MYH10: variants seen among roughly 807,000 people sequenced by gnomAD.
MYH10 encodes the protein myosin heavy chain 10, also known as myosin-10.
In MYH10, 55 loss-of-function variants were observed where a neutral mutation model predicts 257.8. That is an observed-to-expected ratio of 0.21 (90% CI 0.17 to 0.27). The LOEUF is 0.27. Among genes scored for constraint, MYH10 ranks in the 10% least tolerant of loss-of-function variants. The probability of loss-of-function intolerance (pLI) is 1.00; values close to 1 mark genes in which losing one functional copy is unlikely to be tolerated. For synonymous variants in MYH10, 854 were observed against 921.7 expected, an observed-to-expected ratio of 0.93 and a Z score of 1.33; for missense variants, 1,631 against 2,500.6, an observed-to-expected ratio of 0.65 and a Z score of 7.42.
chr17:8,527,982 G>A (rs1323323407), intron 17 of MYH10, among the ~76,000 whole-genome samples: 1 of 152,186 alleles, frequency 6.6e-6, no homozygotes, highest in Admixed American at 6.5e-5. Context: ...TTGAGATGGA[G>A]GTTATGATCA....
chr17:8,603,627 C>T (rs964854977), intron 3 of MYH10, among the ~76,000 whole-genome samples: 2 of 152,132 alleles, frequency 1.3e-5, no homozygotes, highest in Non-Finnish European at 2.9e-5. Context: ...CTAATACAAA[C>T]ACTCTTCTGC....
At position 8,485,457 on chromosome 17, in the gene MYH10, C is replaced by CTTTTT. The variant is rs138894418; in HGVS notation, c.5047-1196_5047-1192dup. On this transcript the variant is annotated intron_variant, in intron 36 of 42. Transcript: ENST00000360416. Reference sequence around the variant, plus strand: ...AATAAACTATCAAAACCCAAGCTGGCTTTTTTTTTTTTTTTTTTTGGTGGC... The same window carrying CTTTTT: ...AATAAACTATCAAAACCCAAGCTGGCTTTTTTTTTTTTTTTTTTTTTTTTGGTGGC... Among the ~76,000 whole-genome samples, 12 of 121,174 alleles carry CTTTTT rather than the reference C, an allele frequency of 9.9e-5. 4 individuals carry two copies. The highest frequency in any genetic ancestry group is 1.5e-4 in the African/African-American group (5 of 32,332). 79.5% of individuals were successfully genotyped at this position (121,174 alleles called of 152,430 possible).
chr17:8,595,425 C>CTTTTTTTTTT lies in MYH10; in HGVS notation c.503-6327_503-6318dup, dbSNP rs10664342. Among the ~76,000 whole-genome samples the CTTTTTTTTTT allele has an allele frequency of 2.0e-4, 17 of 84,180 alleles. 2 individuals carry two copies. Among genetic ancestry groups the CTTTTTTTTTT allele is most frequent in the African/African-American group, 4.7e-4 (8 of 17,132 alleles). The allele number at this position is 84,180 out of a possible 152,430, so 55.2% of individuals were successfully genotyped here. A position where few individuals can be genotyped will look rare whatever the true frequency, so the allele number is the denominator to read the frequency against. The stretch of plus-strand genomic sequence containing the variant: ...TGCTGTCTCCCCAGTAAGAACAGTT[C>CTTTTTTTTTT]TTTTTTTTTTTTTTTTTTTTTTTTG... On this transcript the variant is annotated intron_variant, in intron 3 of 42. Coordinates refer to ENST00000360416, the MANE Select transcript of MYH10 (RefSeq NM_001256012.3).
At chr17:8,616,133 A>C (rs148172293) in intron 2 of MYH10, among the ~76,000 whole-genome samples, 1 of 152,194 alleles carries the variant, frequency 6.6e-6, no homozygotes, top group Non-Finnish European at 1.5e-5. Context: ...AAATACAAAA[A>C]TCAGCCAGGC....
intron 21 of MYH10, among the ~76,000 whole-genome samples, chr17:8,517,638 C>A (rs1021984271): frequency 6.6e-6 from 1 of 152,250 alleles, no homozygotes; most frequent in Admixed American, 6.5e-5. Flanking sequence ...GCACCATCAT[C>A]TTCTACCCAA....
chr17:8,582,103 T>C (rs2152031135), intron 4 of MYH10, among the ~76,000 whole-genome samples: 1 of 152,254 alleles, frequency 6.6e-6, no homozygotes, highest in South Asian at 2.1e-4. Flanking sequence ...AAGATGGTAA[T>C]GGAAATTTTT....
At chr17:8,620,119 C>G (rs997359419) in intron 2 of MYH10, among the ~76,000 whole-genome samples, 1 of 152,060 alleles carries the variant, frequency 6.6e-6, no homozygotes. Context: ...TATATTGAAC[C>G]CTATATCCAA....
intron 12 of MYH10, among the ~76,000 whole-genome samples, 163 bp downstream of exon 12, chr17:8,546,381 G>A (rs561680964): frequency 2.9e-5 from 4 of 139,666 alleles, no homozygotes; most frequent in Admixed American, 2.3e-4. Flanking sequence ...TTTCGAAAAC[G>A]AAAAAGTAAA....
intron 3 of MYH10, among the ~76,000 whole-genome samples, chr17:8,596,717 TCACTC>T (rs2084386128): frequency 6.6e-6 from 1 of 150,684 alleles, no homozygotes. Context: ...CCTCACAAGA[TCACTC>T]AGTAGTCCTA....
chr17:8,596,619 C>T (rs1012753109), intron 3 of MYH10, among the ~76,000 whole-genome samples: 41 of 125,616 alleles, frequency 3.3e-4, no homozygotes, highest in African/African-American at 1.2e-3. Flanking sequence ...TCTTAAAATG[C>T]TTATTCTTAA....
At chr17:8,536,933 C>T (rs1410667573) in intron 14 of MYH10, among the ~76,000 whole-genome samples, 1 of 152,048 alleles carries the variant, frequency 6.6e-6, no homozygotes, top group East Asian at 1.9e-4. Flanking sequence ...GAAAACGTGG[C>T]AGGATTTGGT....
chr17:8,501,294 A>C (rs1043644680), intron 28 of MYH10, among the ~76,000 whole-genome samples: 1 of 152,178 alleles, frequency 6.6e-6, no homozygotes, highest in Non-Finnish European at 1.5e-5. Flanking sequence ...ATCTTTAAAA[A>C]AAAACCAAAA....
At chr17:8,489,301 ATGT>A (rs1459652287) in intron 35 of MYH10, among the ~76,000 whole-genome samples, 1 of 152,182 alleles carries the variant, frequency 6.6e-6, no homozygotes, top group African/African-American at 2.4e-5. Context: ...TGTGACAAAA[ATGT>A]TGTCACAGTT....
At chr17:8,578,738 G>A (rs558226541) in intron 4 of MYH10, among the ~76,000 whole-genome samples, 27 of 152,064 alleles carry the variant, frequency 1.8e-4, no homozygotes, top group African/African-American at 5.1e-4. Context: ...CCTGAATTAC[G>A]GCCTCTGCTC....
intron 37 of MYH10, among the ~76,000 whole-genome samples, chr17:8,483,147 T>C (rs1387161500): frequency 1.3e-5 from 2 of 152,016 alleles, no homozygotes. Flanking sequence ...TAATAGAAAT[T>C]AGAAAAATTT....
In MYH10 at chr17:8,585,288, G is replaced by GTA. The variant is rs71159599; in HGVS notation, c.530+3791_530+3792dup. Among the ~76,000 whole-genome samples, 249 of 99,332 alleles carry GTA rather than the reference G, an allele frequency of 2.5e-3. 9 individuals are homozygous for GTA. Among genetic ancestry groups the GTA allele is most frequent in the African/African-American group, 7.5e-3 (199 of 26,548 alleles). 65.2% of individuals were successfully genotyped at this position (99,332 alleles called of 152,430 possible). A position where few individuals can be genotyped will look rare whatever the true frequency, so the allele number is the denominator to read the frequency against. On this transcript the variant is annotated intron_variant, in intron 4 of 42. Transcript: ENST00000360416. ...TATATATATGTGCATGTGTGTGTGT[G>GTA]TATATATATATATATATAGCTACAT... is the stretch of plus-strand genomic sequence containing the variant.
chr17:8,550,256 C>T (rs1396867773), intron 9 of MYH10, among the ~76,000 whole-genome samples: 2 of 151,428 alleles, frequency 1.3e-5, no homozygotes, highest in Admixed American at 6.6e-5. Context: ...CACCTCTTCC[C>T]GGCCGCCATC....
intron 2 of MYH10, among the ~76,000 whole-genome samples, chr17:8,614,307 C>CTTTTTTTTTTTTTTTTTT: frequency 1.3e-5 from 1 of 77,128 alleles, no homozygotes; most frequent in South Asian, 4.6e-4. Context: ...CAATTCACTT[C>CTTTTTTTTTTTTTTTTTT]TTTTTTTTTT....
chr17:8,538,021 C>A (rs2082191573), intron 14 of MYH10, among the ~76,000 whole-genome samples: 1 of 152,174 alleles, frequency 6.6e-6, no homozygotes, highest in African/African-American at 2.4e-5. Context: ...CTGGCACGGG[C>A]CTGTCAGGTG....
Sources: allele counts gnomAD v4.1 joint callset (sites outside exome capture counted in the v4.1 genomes callset), GRCh38; gene constraint gnomAD v4.1.1; transcripts MANE v1.5; gene names NCBI Gene and HGNC (gene_info 2026-07-23, HGNC 2026-07-21).